The following CCDC126 variants were observed in gnomAD, a reference collection of about 807,000 sequenced individuals.
CCDC126 encodes coiled-coil domain containing 126.
Under a neutral mutation model 11.7 loss-of-function variants are expected in CCDC126, and 5 were observed. That is an observed-to-expected ratio of 0.43 (90% CI 0.22 to 0.90). The LOEUF is 0.90. Ranked by LOEUF, CCDC126 falls within the 40% of genes least tolerant of loss-of-function variation. CCDC126 has a pLI of 0.27. For missense variants in CCDC126, 150 were observed against 163.1 expected (o/e 0.92, Z 0.44); for synonymous variants, 60 against 61.9 (o/e 0.97, Z 0.14).
At position 23,633,056 on chromosome 7, in the gene CCDC126, G is replaced by A. The variant is rs544144579; in HGVS notation, c.239-9875G>A. Among the ~76,000 whole-genome samples, 10 of 152,198 alleles carry A rather than the reference G, an allele frequency of 6.6e-5. No individual in the cohort carries two copies. The South Asian group carries it at 1.2e-3, about 19-fold the overall frequency. On this transcript the variant is annotated intron_variant, in intron 3 of 3. Transcript: ENST00000307471. The stretch of plus-strand genomic sequence containing the variant: ...TGCCCAGGCTGGAGTGCAATGGCGC[G>A]ATCTCGGCTCACCATAACCTCCACT...
chr7:23,643,297 T>C lies in CCDC126; in HGVS notation c.*182T>C. On this transcript the variant is annotated 3_prime_UTR_variant, in exon 4 of 4. Transcript: ENST00000307471. The stretch of plus-strand genomic sequence containing the variant: ...ACATAAAAATTTTAAAGTTATTTGT[T>C]TGCTTTCAGGCAAGTCTGTTCAATG... 1.8e-6 allele frequency: 1 copy of C among 568,284 alleles called. No homozygotes were observed. Among genetic ancestry groups the C allele is most frequent in the Non-Finnish European group, 3.0e-6 (1 of 338,876 alleles). The allele number at this position is 568,284 out of a possible 1,614,324, so 35.2% of individuals were successfully genotyped here. A position where few individuals can be genotyped will look rare whatever the true frequency, so the allele number is the denominator to read the frequency against.
At chr7:23,641,197 T>C (rs1481726349) in intron 3 of CCDC126, among the ~76,000 whole-genome samples, 2 of 152,170 alleles carry the variant, frequency 1.3e-5, no homozygotes, top group African/African-American at 4.8e-5. Context: ...TGATGATAGC[T>C]ATCCTAGTAA....
intron 3 of CCDC126, among the ~76,000 whole-genome samples, chr7:23,642,719 T>C (rs1783384466): frequency 6.6e-6 from 1 of 150,830 alleles, no homozygotes; most frequent in East Asian, 1.9e-4. Flanking sequence ...GCCGAGATCA[T>C]GCCACTGCAC....
At chr7:23,632,996 A>G (rs572145069) in intron 3 of CCDC126, among the ~76,000 whole-genome samples, 2 of 152,210 alleles carry the variant, frequency 1.3e-5, no homozygotes, top group African/African-American at 4.8e-5. Flanking sequence ...ACTGCCTTGC[A>G]GTCCTTTTTT....
chr7:23,636,534 G>A (rs1783218513), intron 3 of CCDC126, among the ~76,000 whole-genome samples: 1 of 136,632 alleles, frequency 7.3e-6, no homozygotes, highest in Non-Finnish European at 1.6e-5. Flanking sequence ...GATGTGAGGA[G>A]CGCCTCTGCT....
chr7:23,625,813 G>A (rs1480272273), intron 3 of CCDC126, among the ~76,000 whole-genome samples: 2 of 151,390 alleles, frequency 1.3e-5, no homozygotes, highest in Non-Finnish European at 2.9e-5. Context: ...CCGCCACCAC[G>A]CCCAGCTAAT....
chr7:23,637,058 C>G (rs1225977833), intron 3 of CCDC126, among the ~76,000 whole-genome samples: 1 of 101,512 alleles, frequency 9.9e-6, no homozygotes, highest in Admixed American at 8.4e-5. Context: ...GGCCAGCCGC[C>G]CCGTCCGGGA....
intron 3 of CCDC126, 76 bp from the exon 4 acceptor site, chr7:23,642,854 CT>C: frequency 5.6e-6 from 7 of 1,246,590 alleles, no homozygotes; most frequent in Non-Finnish European, 6.9e-6. Flanking sequence ...AGTTGTTCAC[CT>C]TTTTCCTTCA....
intron 3 of CCDC126, among the ~76,000 whole-genome samples, chr7:23,634,926 T>TAATC (rs893861523): frequency 2.0e-5 from 3 of 152,218 alleles, no homozygotes; most frequent in African/African-American, 7.2e-5. Flanking sequence ...CTGTGCCTTA[T>TAATC]AATCACTGAT....
chr7:23,622,524 C>G (rs931547101), intron 3 of CCDC126: 3 of 508,640 alleles, frequency 5.9e-6, no homozygotes, highest in Non-Finnish European at 1.2e-5. Flanking sequence ...GTGCAGTCAA[C>G]GATGGACTGT....
At chr7:23,637,464 C>A (rs866231158) in intron 3 of CCDC126, among the ~76,000 whole-genome samples, 1 of 67,424 alleles carries the variant, frequency 1.5e-5, no homozygotes, top group Non-Finnish European at 3.2e-5. Context: ...CCAGCCGCCC[C>A]ATCCGGGAGG....
At chr7:23,625,649 A>ATTTTTTTT (rs34492140) in intron 3 of CCDC126, among the ~76,000 whole-genome samples, 37 of 77,138 alleles carry the variant, frequency 4.8e-4, no homozygotes, top group African/African-American at 6.7e-4. Flanking sequence ...TATTTGACTG[A>ATTTTTTTT]TTTTTTTTTT....
intron 2 of CCDC126, among the ~76,000 whole-genome samples, chr7:23,610,440 C>T (rs1188796655): frequency 6.6e-6 from 1 of 152,126 alleles, no homozygotes. Context: ...TCTCAAACTC[C>T]TGGGCTCTAG....
In CCDC126 at chr7:23,643,203, C is replaced by G. The variant is rs866545807; in HGVS notation, c.*88C>G. ...TTATAATTGCTGGCTTAGGACAGAGCAATACTTTACAATAAAAGCTCTACA... is the reference window on the plus strand; with the variant it reads ...TTATAATTGCTGGCTTAGGACAGAGGAATACTTTACAATAAAAGCTCTACA... On this transcript the variant is annotated 3_prime_UTR_variant, in exon 4 of 4. Coordinates refer to ENST00000307471, the MANE Select transcript of CCDC126 (RefSeq NM_138771.4). 9.5e-7 allele frequency: 1 copy of G among 1,051,610 alleles called. No homozygotes were observed. Among genetic ancestry groups the G allele is most frequent in the East Asian group, 2.7e-5 (1 of 37,714 alleles). 65.1% of individuals were successfully genotyped at this position (1,051,610 alleles called of 1,614,324 possible).
chr7:23,613,604 C>T (rs1008664500), intron 3 of CCDC126, among the ~76,000 whole-genome samples: 1 of 152,088 alleles, frequency 6.6e-6, no homozygotes, highest in African/African-American at 2.4e-5. Flanking sequence ...TTCCATCCAC[C>T]CCCCAGGCTG....
Position 23,611,373 on chromosome 7 carries a change from G to A in CCDC126, c.58G>A (p.Val20Ile), listed in dbSNP as rs757605747. ...MSQKLSLLLL[V>I]FGLIWGLMLL... Reference sequence around the variant, plus strand: ...CCAGAAATTGAGTTTACTGTTGCTTGTATTTGGACTCATTTGGGGATTGAT... The same window carrying A: ...CCAGAAATTGAGTTTACTGTTGCTTATATTTGGACTCATTTGGGGATTGAT... Residue 20 changes from valine to isoleucine, a missense_variant, in exon 3 of 4, where the codon GTA (valine) becomes ATA (isoleucine). Coordinates refer to ENST00000307471, the MANE Select transcript of CCDC126 (RefSeq NM_138771.4). 9.9e-6 allele frequency: 16 copies of A among 1,613,682 alleles called. No individual in the cohort carries two copies. The highest frequency in any genetic ancestry group is 8.9e-5 in the East Asian group (4 of 44,822).
In CCDC126 at chr7:23,618,017, C is replaced by G. The variant is rs890021283; in HGVS notation, c.238+6464C>G. On this transcript the variant is annotated intron_variant, in intron 3 of 3. Transcript: ENST00000307471. Reference sequence around the variant, plus strand: ...TTTTAGTGTAGAAGAAGGATAGATGCTAGAGCCAGCCAAAGGGAGATACGC... The same window carrying G: ...TTTTAGTGTAGAAGAAGGATAGATGGTAGAGCCAGCCAAAGGGAGATACGC... Among the ~76,000 whole-genome samples the G allele has an allele frequency of 2.0e-5, 3 of 152,246 alleles. No individual in the cohort carries two copies. In the South Asian group the frequency reaches 6.2e-4, roughly 32 times the overall value.
intron 3 of CCDC126, chr7:23,622,782 A>G: frequency 2.1e-6 from 1 of 487,446 alleles, no homozygotes. Context: ...CCATAGATAC[A>G]ACATTGAATG....
intron 3 of CCDC126, among the ~76,000 whole-genome samples, chr7:23,633,156 C>T (rs920347246): frequency 1.3e-5 from 2 of 152,134 alleles, no homozygotes; most frequent in Non-Finnish European, 2.9e-5. Flanking sequence ...CCACACTCAG[C>T]TAATTTTGTA....
Sources: gnomAD v4.1 joint callset for allele counts (sites outside exome capture counted in the v4.1 genomes callset) on GRCh38, gnomAD v4.1.1 for gene constraint, MANE v1.5 for transcripts, NCBI Gene and HGNC (gene_info 2026-07-23, HGNC 2026-07-21) for gene names.